Variants in ZNF382 observed in about 807,000 individuals in gnomAD.
The protein encoded by ZNF382 is zinc finger protein 382.
ZNF382 carries 20 observed loss-of-function variants against 38.8 expected under a neutral mutation model. That is an observed-to-expected ratio of 0.51 (90% CI 0.36 to 0.75). The LOEUF is 0.75. Ranked by LOEUF, ZNF382 falls within the 30% of genes least tolerant of loss-of-function variation. The pLI, the probability that ZNF382 is intolerant of heterozygous loss-of-function variation, is 0.00. For synonymous variants in ZNF382, 202 were observed against 223.1 expected (o/e 0.91, Z 0.84); for missense variants, 546 against 654.1 (o/e 0.83, Z 1.80).
At chr19:36,619,359 G>C (rs928140982) in intron 4 of ZNF382, among the ~76,000 whole-genome samples, 2 of 152,196 alleles carry the variant, frequency 1.3e-5, no homozygotes, top group African/African-American at 4.8e-5. Flanking sequence ...GATGTGGAAA[G>C]GGTGGTGCAG....
intron 4 of ZNF382, among the ~76,000 whole-genome samples, chr19:36,611,299 AT>A (rs2037075997): frequency 6.6e-6 from 1 of 152,126 alleles, no homozygotes; most frequent in Admixed American, 6.6e-5. Flanking sequence ...CAAAAAAAAA[AT>A]AAATAAAAAT....
chr19:36,627,343 T>C lies in ZNF382; in HGVS notation c.1446T>C (p.His482=). 3 of 1,614,138 alleles carry C rather than the reference T, an allele frequency of 1.9e-6. No individual in the cohort carries two copies. Among genetic ancestry groups the C allele is most frequent in the Non-Finnish European group, 2.5e-6 (3 of 1,180,016 alleles). ...GCCAGAAGGCAATCCTCACTGTTCA[T>C]CACAGAATACATACAGGAGAAAAAT... ...SFRQKAILTV[H]HRIHTGEKSN... is the part of the protein sequence containing the mutation. Residue 482 remains histidine, a synonymous_variant, in exon 5 of 5, where the codon CAT becomes CAC. Coordinates refer to ENST00000292928, the MANE Select transcript of ZNF382 (RefSeq NM_032825.5).
chr19:36,608,945 C>T (rs1256769266), intron 2 of ZNF382: 2 of 152,196 alleles, frequency 1.3e-5, no homozygotes, highest in South Asian at 2.1e-4. Flanking sequence ...TCTGTCAGCC[C>T]GCTGACACTT....
Position 36,627,674 on chromosome 19 carries a change from C to A in ZNF382, c.*124C>A. On this transcript the variant is annotated 3_prime_UTR_variant, in exon 5 of 5. Transcript: ENST00000292928. ...CACATGGTAACCTACTGTTTGCCAG[C>A]CTGTAAAACACACACACACACACAC... is the stretch of plus-strand genomic sequence containing the variant. 9 of 591,094 alleles carry A rather than the reference C, an allele frequency of 1.5e-5. No individual in the cohort carries two copies. The highest frequency in any genetic ancestry group is 2.9e-5 in the East Asian group (1 of 34,374). The allele number at this position is 591,094 out of a possible 1,614,324, so 36.6% of individuals were successfully genotyped here.
intron 4 of ZNF382, among the ~76,000 whole-genome samples, chr19:36,611,476 T>C (rs181315559): frequency 3.4e-4 from 52 of 152,250 alleles, no homozygotes; most frequent in African/African-American, 1.2e-3. Flanking sequence ...GTTCATCTAT[T>C]TCCTTCATTT....
In ZNF382 at chr19:36,627,627, C is replaced by G; in HGVS notation, c.*77C>G. Reference sequence around the variant, plus strand: ...ATGATGTTGCTTGCAAGCGTAATATCCAACAGTTTAAGGTACTATACCACA... The same window carrying G: ...ATGATGTTGCTTGCAAGCGTAATATGCAACAGTTTAAGGTACTATACCACA... On this transcript the variant is annotated 3_prime_UTR_variant, in exon 5 of 5. Coordinates refer to ENST00000292928, the MANE Select transcript of ZNF382 (RefSeq NM_032825.5). The G allele has an allele frequency of 9.0e-7, 1 of 1,115,304 alleles. No individual in the cohort carries two copies. The highest frequency in any genetic ancestry group is 1.5e-5 in the South Asian group (1 of 67,670). The allele number at this position is 1,115,304 out of a possible 1,614,324, so 69.1% of individuals were successfully genotyped here. A position where few individuals can be genotyped will look rare whatever the true frequency, so the allele number is the denominator to read the frequency against.
In ZNF382 at chr19:36,610,765, G is replaced by A. The variant is rs779650333; in HGVS notation, c.232+23G>A. 8 of 1,558,340 alleles carry A rather than the reference G, an allele frequency of 5.1e-6. No individual in the cohort carries two copies. In the South Asian group the frequency reaches 6.9e-5, roughly 13 times the overall value. On this transcript the variant is annotated intron_variant, in intron 4 of 4. Coordinates refer to ENST00000292928, the MANE Select transcript of ZNF382 (RefSeq NM_032825.5). ...TAGGTGAGTCTATAAATGAAGTCTA[G>A]TGAACATTAAATGTCAAGTAGTTGA... is the stretch of plus-strand genomic sequence containing the variant.
chr19:36,606,742 A>G (rs929582424), intron 1 of ZNF382, among the ~76,000 whole-genome samples: 30 of 152,186 alleles, frequency 2.0e-4, no homozygotes, highest in African/African-American at 6.7e-4. Context: ...AAAGTATTTG[A>G]TAGATTTTTA....
intron 4 of ZNF382, among the ~76,000 whole-genome samples, chr19:36,622,024 A>T (rs1024639451): frequency 1.4e-5 from 2 of 145,552 alleles, no homozygotes; most frequent in Non-Finnish European, 3.0e-5. Flanking sequence ...AGGTTCGATA[A>T]TTTTTTTTTT....
At chr19:36,614,490 C>T (rs1158091403) in intron 4 of ZNF382, among the ~76,000 whole-genome samples, 1 of 152,116 alleles carries the variant, frequency 6.6e-6, no homozygotes, top group African/African-American at 2.4e-5. Flanking sequence ...ATATTGAGTC[C>T]TGTGGTTCAT....
chr19:36,630,284 G>T lies in ZNF382; in HGVS notation c.*2734G>T, dbSNP rs1435996176. On this transcript the variant is annotated 3_prime_UTR_variant, in exon 5 of 5. Coordinates refer to ENST00000292928, the MANE Select transcript of ZNF382 (RefSeq NM_032825.5). Reference sequence around the variant, plus strand: ...AAGGCGCAGAGAGAAATCAAGGTATGGAATCTAATGAATGTCCGTGAAGGA... The same window carrying T: ...AAGGCGCAGAGAGAAATCAAGGTATTGAATCTAATGAATGTCCGTGAAGGA... 1 of 152,004 alleles carries T rather than the reference G, an allele frequency of 6.6e-6. No individual in the cohort carries two copies. Among genetic ancestry groups the T allele is most frequent in the African/African-American group, 2.4e-5 (1 of 41,384 alleles). 9.4% of individuals were successfully genotyped at this position (152,004 alleles called of 1,614,324 possible). A position where few individuals can be genotyped will look rare whatever the true frequency, so the allele number is the denominator to read the frequency against.
intron 4 of ZNF382, among the ~76,000 whole-genome samples, chr19:36,615,449 T>C (rs1205494374): frequency 6.6e-6 from 1 of 152,252 alleles, no homozygotes; most frequent in Non-Finnish European, 1.5e-5. Flanking sequence ...ACTTTATAGA[T>C]ACATATTTCC....
intron 1 of ZNF382, 56 bp from the exon 2 acceptor site, chr19:36,607,496 A>T: frequency 9.8e-7 from 1 of 1,021,934 alleles, no homozygotes; most frequent in Non-Finnish European, 1.4e-6. Flanking sequence ...TAATTCTGGG[A>T]GTTCTGAGTC....
At chr19:36,606,621 G>A (rs1384802833) in intron 1 of ZNF382, among the ~76,000 whole-genome samples, 1 of 145,958 alleles carries the variant, frequency 6.9e-6, no homozygotes, top group African/African-American at 2.6e-5. Flanking sequence ...CCCTCGGCCT[G>A]CCAAAGTACT....
chr19:36,610,568 C>A, intron 3 of ZNF382, 82 bp from the exon 4 acceptor site: 1 of 1,103,394 alleles, frequency 9.1e-7, no homozygotes, highest in African/African-American at 1.6e-5. Context: ...TCATTTACTA[C>A]CTTGAAGTTG....
chr19:36,621,324 GTTT>G (rs10557413), intron 4 of ZNF382, among the ~76,000 whole-genome samples: 1,270 of 104,498 alleles, frequency 0.012, 15 homozygotes, highest in African/African-American at 0.03. Flanking sequence ...TTTTTCCCTA[GTTT>G]TTTTTTTTTT....
intron 4 of ZNF382, 88 bp downstream of exon 4, chr19:36,610,830 G>A: frequency 8.4e-6 from 8 of 957,166 alleles, no homozygotes; most frequent in South Asian, 3.1e-5. Flanking sequence ...TTGTTATTGT[G>A]GTAAAATACA....
Position 36,627,141 on chromosome 19 carries a change from A to AG in ZNF382, c.1246dup (p.Ala416GlyfsTer25). On this transcript the variant is annotated frameshift_variant, in exon 5 of 5. Coordinates refer to ENST00000292928, the MANE Select transcript of ZNF382 (RefSeq NM_032825.5). LOFTEE classifies it high-confidence loss of function. ...CCGTATCAGTGTAATGAGTGTGGGAAGGCATTTATCCAGAAGACAACCCTC... is the reference window on the plus strand; with the variant it reads ...CCGTATCAGTGTAATGAGTGTGGGAAGGGCATTTATCCAGAAGACAACCCTC... 6.2e-7 allele frequency: 1 copy of AG among 1,614,182 alleles called. No homozygotes were observed. The highest frequency in any genetic ancestry group is 8.5e-7 in the Non-Finnish European group (1 of 1,180,028).
At chr19:36,611,861 C>G (rs749213482) in intron 4 of ZNF382, among the ~76,000 whole-genome samples, 23 of 152,162 alleles carry the variant, frequency 1.5e-4, no homozygotes, top group Admixed American at 3.3e-4. Context: ...GACCTGAGAT[C>G]TGTAAAGTGC....
Sources: allele counts gnomAD v4.1 joint callset (sites outside exome capture counted in the v4.1 genomes callset), GRCh38; gene constraint gnomAD v4.1.1; transcripts MANE v1.5; gene names NCBI Gene and HGNC (gene_info 2026-07-23, HGNC 2026-07-21).